RAB10: variants seen among roughly 807,000 people sequenced by gnomAD.
RAB10 encodes the protein RAB10, member RAS oncogene family.
RAB10 carries 5 observed loss-of-function variants against 25.7 expected under a neutral mutation model. The observed-to-expected ratio is 0.19, with a 90% CI of 0.10 to 0.41. The LOEUF (loss-of-function observed/expected upper bound fraction) is 0.41, where lower values mean the gene tolerates loss of function less well. Among genes scored for constraint, RAB10 ranks in the 10% least tolerant of loss-of-function variants. The pLI is 1.00. For missense variants in RAB10, 103 were observed against 245.8 expected (o/e 0.42, Z 3.89); for synonymous variants, 89 against 86.4 (o/e 1.03, Z -0.16).
chr2:26,130,216 T>G (rs1263294025), intron 5 of RAB10, among the ~76,000 whole-genome samples: 1 of 152,232 alleles, frequency 6.6e-6, no homozygotes, highest in East Asian at 1.9e-4. Context: ...CCATTAGAAT[T>G]TCTTGAGAAA....
intron 1 of RAB10, among the ~76,000 whole-genome samples, chr2:26,097,337 G>A (rs1305302423): frequency 6.6e-6 from 1 of 152,062 alleles, no homozygotes; most frequent in Non-Finnish European, 1.5e-5. Context: ...GCAGTGGCGC[G>A]ATCTCAGCTC....
At chr2:26,134,571 G>A (rs547839318) in intron 5 of RAB10, among the ~76,000 whole-genome samples, 37 of 152,272 alleles carry the variant, frequency 2.4e-4, no homozygotes, top group African/African-American at 7.2e-4. Context: ...TTTCTGTGAC[G>A]TTACATATAC....
intron 3 of RAB10, among the ~76,000 whole-genome samples, chr2:26,121,055 A>T (rs1244167181): frequency 6.6e-6 from 1 of 151,796 alleles, no homozygotes; most frequent in African/African-American, 2.4e-5. Context: ...GAGATTACAG[A>T]CGTGCATCGC....
chr2:26,105,302 A>C (rs1667444793), intron 2 of RAB10, among the ~76,000 whole-genome samples: 1 of 152,212 alleles, frequency 6.6e-6, no homozygotes, highest in African/African-American at 2.4e-5. Flanking sequence ...CCAGTGACTT[A>C]GAATGAAGAC....
chr2:26,035,277 G>T (rs1466360776), intron 1 of RAB10, among the ~76,000 whole-genome samples: 2 of 152,174 alleles, frequency 1.3e-5, no homozygotes, highest in Non-Finnish European at 2.9e-5. Flanking sequence ...ACAATCGGAG[G>T]CTCTTCGCGC....
chr2:26,132,476 A>G (rs1668029218), intron 5 of RAB10, among the ~76,000 whole-genome samples: 1 of 152,184 alleles, frequency 6.6e-6, no homozygotes, highest in African/African-American at 2.4e-5. Context: ...CTGGTCTCGA[A>G]GTCCTGACCT....
intron 5 of RAB10, among the ~76,000 whole-genome samples, chr2:26,132,592 TC>T: frequency 6.6e-6 from 1 of 152,206 alleles, no homozygotes; most frequent in Non-Finnish European, 1.5e-5. Flanking sequence ...CATTTCCTTT[TC>T]TGTAGTATTT....
At chr2:26,127,427 A>G in intron 4 of RAB10, 194 bp downstream of exon 4, 1 of 544,572 alleles carries the variant, frequency 1.8e-6, no homozygotes, top group Non-Finnish European at 3.2e-6. Context: ...GGAGAATCAA[A>G]TGTGCCCATA....
chr2:26,134,997 A>T lies in RAB10; in HGVS notation c.579A>T (p.Thr193=). 1 of 1,613,670 alleles carries T rather than the reference A, an allele frequency of 6.2e-7. No homozygotes were observed. Among genetic ancestry groups the T allele is most frequent in the Non-Finnish European group, 8.5e-7 (1 of 1,179,642 alleles). ...NVDISSGGGV[T]GWKSKCC is the part of the protein sequence containing the mutation. ...ATATCAGCAGTGGAGGAGGCGTGAC[A>T]GGCTGGAAGAGCAAATGCTGCTGAG... Residue 193 remains threonine, a synonymous_variant, in exon 6 of 6, where the codon ACA becomes ACT. Transcript: ENST00000264710.
At chr2:26,085,003 G>C (rs183258862) in intron 1 of RAB10, among the ~76,000 whole-genome samples, 26 of 152,238 alleles carry the variant, frequency 1.7e-4, no homozygotes, top group Non-Finnish European at 3.5e-4. Context: ...TAGTCTCTTA[G>C]TTGTAGTTGG....
intron 1 of RAB10, among the ~76,000 whole-genome samples, chr2:26,041,319 T>G (rs1364029329): frequency 2.0e-5 from 3 of 151,796 alleles, no homozygotes; most frequent in African/African-American, 4.8e-5. Flanking sequence ...TGCAGGTGGA[T>G]CACCAGAGGT....
intron 1 of RAB10, among the ~76,000 whole-genome samples, chr2:26,041,241 C>CTTACCAATA (rs1665877293): frequency 6.6e-6 from 1 of 152,048 alleles, no homozygotes; most frequent in African/African-American, 2.4e-5. Context: ...TGGGATCAGA[C>CTTACCAATA]TTACCAATAT....
At chr2:26,134,887 A>G in intron 5 of RAB10, 51 bp from the exon 6 acceptor site, 1 of 1,413,344 alleles carries the variant, frequency 7.1e-7, no homozygotes. Flanking sequence ...TCGTGATTTT[A>G]TCCATGGCAG....
In RAB10 at chr2:26,051,293, G is replaced by T. The variant is rs547872654; in HGVS notation, c.127+16558G>T. 7.1e-4 allele frequency among the ~76,000 whole-genome samples: 105 copies of T among 148,146 alleles called. No individual in the cohort carries two copies. In the South Asian group the frequency reaches 0.023, roughly 32 times the overall value. ...AATATACTATTTTCTCTTCTTGGAG[G>T]ATAGCTTATTTGATGTTTTCTTCTA... On this transcript the variant is annotated intron_variant, in intron 1 of 5. Coordinates refer to ENST00000264710, the MANE Select transcript of RAB10 (RefSeq NM_016131.5).
intron 3 of RAB10, among the ~76,000 whole-genome samples, chr2:26,122,634 AAAC>A (rs1328098496): frequency 6.6e-6 from 1 of 152,096 alleles, no homozygotes; most frequent in East Asian, 1.9e-4. Flanking sequence ...TCAAAAAAAA[AAAC>A]AAAAAAAAAG....
At chr2:26,033,966 G>C, upstream of RAB10, 1 of 397,410 alleles carries the variant, frequency 2.5e-6, no homozygotes, top group Non-Finnish European at 4.4e-6. Context: ...CTGAGGCTTG[G>C]AGACAGGAGC....
At chr2:26,066,777 ATTTTTTTTT>A (rs3065544) in intron 1 of RAB10, among the ~76,000 whole-genome samples, 3 of 110,240 alleles carry the variant, frequency 2.7e-5, no homozygotes, top group South Asian at 3.0e-4. Context: ...CATGCCATCA[ATTTTTTTTT>A]TTTTTTTTTT....
chr2:26,033,443 G>C (rs1665675416), upstream of RAB10, among the ~76,000 whole-genome samples: 2 of 152,236 alleles, frequency 1.3e-5, no homozygotes, highest in Non-Finnish European at 2.9e-5. Flanking sequence ...CGAGCGGCGT[G>C]GCCAGCTTTT....
chr2:26,044,844 C>A (rs149608633), intron 1 of RAB10, among the ~76,000 whole-genome samples: 39 of 152,154 alleles, frequency 2.6e-4, no homozygotes, highest in African/African-American at 8.9e-4. Context: ...TTGCGCCCCG[C>A]CAGGAGTTTT....
Sources: allele counts gnomAD v4.1 joint callset (sites outside exome capture counted in the v4.1 genomes callset), GRCh38; gene constraint gnomAD v4.1.1; transcripts MANE v1.5; gene names NCBI Gene and HGNC (gene_info 2026-07-23, HGNC 2026-07-21).